GLIS3: variants seen among roughly 807,000 people sequenced by gnomAD.
GLIS3 encodes the protein zinc finger protein GLIS3.
Under a neutral mutation model 78.6 loss-of-function variants are expected in GLIS3, and 53 were observed. That is an observed-to-expected ratio of 0.67 (90% CI 0.54 to 0.85). GLIS3 has a LOEUF of 0.85. Ranked by LOEUF, GLIS3 falls within the 40% of genes least tolerant of loss-of-function variation. GLIS3 has a pLI of 0.00. For missense variants in GLIS3, 1,703 were observed against 1,231.1 expected (o/e 1.38, Z -5.74); for synonymous variants, 684 against 509.9 (o/e 1.34, Z -4.60).
intron 4 of GLIS3, among the ~76,000 whole-genome samples, chr9:4,070,687 T>C (rs749216017): frequency 1.3e-5 from 2 of 152,176 alleles, no homozygotes; most frequent in Non-Finnish European, 2.9e-5. Flanking sequence ...TATTCTGTTA[T>C]TACTCTGCCC....
chr9:4,487,437 AG>A, the GLIS3 span, among the ~76,000 whole-genome samples: 1 of 152,166 alleles, frequency 6.6e-6, no homozygotes, highest in Admixed American at 6.5e-5. Context: ...TTACAGATGA[AG>A]AAACTGAGAC....
the GLIS3 span, among the ~76,000 whole-genome samples, chr9:4,457,189 C>G: frequency 2.0e-5 from 3 of 151,818 alleles, no homozygotes; most frequent in Non-Finnish European, 4.4e-5. Context: ...ATAGTGAGAC[C>G]CTGTCTCTAT....
At chr9:4,301,894 T>C (rs1817089757), upstream of GLIS3, among the ~76,000 whole-genome samples, 1 of 152,044 alleles carries the variant, frequency 6.6e-6, no homozygotes, top group African/African-American at 2.4e-5. Flanking sequence ...AGCCCAAGAG[T>C]GGGAATGTCA....
rs35359206 is a variant in GLIS3, at chr9:3,825,260, C to T, written c.*3012G>A. 7.2e-5 allele frequency: 11 copies of T among 151,830 alleles called. No individual in the cohort carries two copies. The highest frequency in any genetic ancestry group is 2.4e-4 in the African/African-American group (10 of 41,322). The allele number at this position is 151,830 out of a possible 1,614,324, so 9.4% of individuals were successfully genotyped here. ...TTTTTTTTTCTTCTTATTTTATGAT[C>T]GCTTATGTAATTTGAGGGCGACATG... On this transcript the variant is annotated 3_prime_UTR_variant, in exon 11 of 11. Transcript: ENST00000381971.
chr9:4,482,171 A>G, the GLIS3 span, among the ~76,000 whole-genome samples: 67 of 152,310 alleles, frequency 4.4e-4, 1 homozygote, highest in South Asian at 0.013. Context: ...GCAGACAGAG[A>G]ACTTTTCTTT....
chr9:4,090,260 C>T (rs113027868), intron 4 of GLIS3, among the ~76,000 whole-genome samples: 4 of 152,264 alleles, frequency 2.6e-5, no homozygotes, highest in African/African-American at 9.6e-5. Context: ...GCCTTCCTGC[C>T]TACAGCCCAA....
chr9:3,953,795 C>CTCTCTCTCTATATATATATA (rs1403671770), intron 4 of GLIS3, among the ~76,000 whole-genome samples: 11 of 73,318 alleles, frequency 1.5e-4, no homozygotes, highest in African/African-American at 6.3e-4. Flanking sequence ...CTCTCTCTCT[C>CTCTCTCTCTATATATATATA]TATATATATA....
the GLIS3 span, among the ~76,000 whole-genome samples, chr9:4,480,619 A>G: frequency 1.3e-5 from 2 of 152,082 alleles, no homozygotes; most frequent in Non-Finnish European, 2.9e-5. Context: ...ACATTTTCAA[A>G]ATTCCTCTGT....
the GLIS3 span, among the ~76,000 whole-genome samples, chr9:4,385,747 AAGAAAGAAAGAAAGAAAGAAAG>A: frequency 6.6e-5 from 4 of 60,654 alleles, no homozygotes; most frequent in Admixed American, 1.7e-4. Context: ...AAAAGAAAGA[AAGAAAGAAAGAAAGAAAGAAAG>A]AAAGAAAGAA....
chr9:3,965,805 C>T (rs509879), intron 4 of GLIS3, among the ~76,000 whole-genome samples: 92,597 of 151,994 alleles, frequency 0.61, 28,910 homozygotes, highest in African/African-American at 0.72. Context: ...TCCTCTCTCA[C>T]TCTGTGCTGC....
chr9:4,005,500 A>T (rs1267860083), intron 4 of GLIS3, among the ~76,000 whole-genome samples: 2 of 152,170 alleles, frequency 1.3e-5, no homozygotes, highest in East Asian at 3.8e-4. Context: ...TCAAATTCTG[A>T]TTCTACCACT....
chr9:4,352,193 A>C (rs11789687), upstream of GLIS3, among the ~76,000 whole-genome samples: 72,068 of 152,090 alleles, frequency 0.47, 18,360 homozygotes, highest in Non-Finnish European at 0.56. Flanking sequence ...TCATTGTATT[A>C]AACTCTGCCA....
chr9:4,373,338 G>A, the GLIS3 span, among the ~76,000 whole-genome samples: 1 of 152,178 alleles, frequency 6.6e-6, no homozygotes, highest in African/African-American at 2.4e-5. Flanking sequence ...TCACCTGGGG[G>A]AAATTGGGAA....
chr9:4,023,820 T>C (rs745869233), intron 4 of GLIS3, among the ~76,000 whole-genome samples: 4 of 152,204 alleles, frequency 2.6e-5, no homozygotes, highest in Non-Finnish European at 4.4e-5. Context: ...TTCACAAACT[T>C]TGTTACTGAC....
intron 2 of GLIS3, among the ~76,000 whole-genome samples, chr9:4,221,594 C>T (rs1371734215): frequency 6.6e-6 from 1 of 151,396 alleles, no homozygotes; most frequent in Non-Finnish European, 1.5e-5. Context: ...TTTTTCAAGT[C>T]CCCCCTTTAA....
intron 2 of GLIS3, among the ~76,000 whole-genome samples, chr9:4,215,472 T>A (rs1462592446): frequency 6.6e-6 from 1 of 152,210 alleles, no homozygotes; most frequent in Admixed American, 6.5e-5. Flanking sequence ...CTATCATTTA[T>A]GGTGAAGGAA....
At chr9:4,390,849 G>A in the GLIS3 span, among the ~76,000 whole-genome samples, 2 of 152,184 alleles carry the variant, frequency 1.3e-5, no homozygotes, top group East Asian at 1.9e-4. Context: ...AAAGATTCAT[G>A]TATGACCCAA....
chr9:4,302,210 C>G (rs555081778), upstream of GLIS3, among the ~76,000 whole-genome samples: 12 of 152,246 alleles, frequency 7.9e-5, no homozygotes, highest in Admixed American at 6.5e-5. Context: ...GATACTCTCC[C>G]TTACCCATGA....
In GLIS3 at chr9:4,294,056, CCTTT is replaced by C. The variant is rs1816258600; in HGVS notation, c.-99+5361_-99+5364del. On this transcript the variant is annotated intron_variant, in intron 1 of 10. Transcript: ENST00000381971. The stretch of plus-strand genomic sequence containing the variant: ...CCAGCTCGATGGTCTTTTCCCTCCT[CCTTT>C]ATTTTGTTCTCTTTTCCCCCAAATC... Among the ~76,000 whole-genome samples, 4 of 152,206 alleles carry C rather than the reference CCTTT, an allele frequency of 2.6e-5. No individual in the cohort carries two copies. In the South Asian group the frequency reaches 8.3e-4, roughly 32 times the overall value.
Sources: allele counts gnomAD v4.1 joint callset (sites outside exome capture counted in the v4.1 genomes callset), GRCh38; gene constraint gnomAD v4.1.1; transcripts MANE v1.5; gene names NCBI Gene and HGNC (gene_info 2026-07-23, HGNC 2026-07-21).